Variants in ANK3 observed in about 807,000 individuals in gnomAD.
ANK3 encodes ankyrin-3.
ANK3 carries 57 observed loss-of-function variants against 370.9 expected under a neutral mutation model. That is an observed-to-expected ratio of 0.15 (90% CI 0.12 to 0.19). The LOEUF is 0.19. ANK3 is among the 10% of genes least tolerant of loss of function. The pLI, the probability that ANK3 is intolerant of heterozygous loss-of-function variation, is 1.00. For synonymous variants in ANK3, 1,929 were observed against 1,946.3 expected (o/e 0.99, Z 0.23); for missense variants, 4,439 against 5,302.1 (o/e 0.84, Z 5.06).
At chr10:60,342,595 C>T (rs2054512093) in intron 1 of ANK3, among the ~76,000 whole-genome samples, 1 of 152,136 alleles carries the variant, frequency 6.6e-6, no homozygotes, top group South Asian at 2.1e-4. Context: ...CTCTTTGAAA[C>T]TAATACGGTA....
intron 41 of ANK3, among the ~76,000 whole-genome samples, chr10:60,056,402 G>A (rs2079180036): frequency 6.6e-6 from 1 of 152,192 alleles, no homozygotes; most frequent in African/African-American, 2.4e-5. Context: ...CCGGGAGGTG[G>A]AGGTTGCAGT....
At chr10:60,465,644 T>A (rs1026975634) in intron 2 of ANK3, among the ~76,000 whole-genome samples, 2 of 152,152 alleles carry the variant, frequency 1.3e-5, no homozygotes, top group African/African-American at 4.8e-5. Flanking sequence ...AGGCCAAACA[T>A]TGCAGGATTC....
At chr10:60,234,984 T>C (rs954529201) in intron 7 of ANK3, among the ~76,000 whole-genome samples, 198 bp from the exon 8 acceptor site, 1 of 152,224 alleles carries the variant, frequency 6.6e-6, no homozygotes, top group Non-Finnish European at 1.5e-5. Flanking sequence ...TAAGGGAATC[T>C]GTGAGGCAGG....
At position 60,050,134 on chromosome 10, in the gene ANK3, C is replaced by A. The variant is rs148288375; in HGVS notation, c.13065+5524G>T. On this transcript the variant is annotated intron_variant, in intron 42 of 43. Coordinates refer to ENST00000280772, the MANE Select transcript of ANK3 (RefSeq NM_020987.5). Reference sequence around the variant, plus strand: ...AAAACAGAATCAAGCATTCCCCCACCCCAACCCAGAGAACATGTGTGAGGT... The same window carrying A: ...AAAACAGAATCAAGCATTCCCCCACACCAACCCAGAGAACATGTGTGAGGT... Among the ~76,000 whole-genome samples the A allele has an allele frequency of 8.1e-4, 123 of 152,218 alleles. No individual in the cohort carries two copies. In the East Asian group the frequency reaches 0.013, roughly 16 times the overall value.
intron 2 of ANK3, among the ~76,000 whole-genome samples, chr10:60,573,785 G>A (rs1310585563): frequency 6.6e-6 from 1 of 152,200 alleles, no homozygotes; most frequent in East Asian, 1.9e-4. Context: ...AGCACTTTGA[G>A]CAGATAACTG....
At chr10:60,359,289 G>C (rs1255838511) in intron 1 of ANK3, among the ~76,000 whole-genome samples, 1 of 152,100 alleles carries the variant, frequency 6.6e-6, no homozygotes, top group African/African-American at 2.4e-5. Flanking sequence ...ATTTGATTGA[G>C]ACCCTGTGAT....
chr10:60,138,734 A>G (rs61845793), intron 24 of ANK3: 163 of 94,992 alleles, frequency 1.7e-3, no homozygotes, highest in South Asian at 6.8e-3. Context: ...GCAAAGTGGG[A>G]AAAAAAAAAA....
rs1430848072 is a variant in ANK3 at position 60,118,011 on chromosome 10, T to G, written c.2842-3680A>C. Among the ~76,000 whole-genome samples, 3 of 152,068 alleles carry G rather than the reference T, an allele frequency of 2.0e-5. No individual in the cohort carries two copies. The South Asian group carries it at 6.2e-4, about 31-fold the overall frequency. ...TTCATCTTTCATTTGGGGAAGTCAATAAATAATTCCTGAAATGGAGAAAAA... is the reference window on the plus strand; with the variant it reads ...TTCATCTTTCATTTGGGGAAGTCAAGAAATAATTCCTGAAATGGAGAAAAA... On this transcript the variant is annotated intron_variant, in intron 25 of 43. Transcript: ENST00000280772.
chr10:60,072,497 T>G lies in ANK3; in HGVS notation c.8384A>C (p.Gln2795Pro). The G allele has an allele frequency of 6.2e-7, 1 of 1,614,032 alleles. No individual in the cohort carries two copies. Among genetic ancestry groups the G allele is most frequent in the East Asian group, 2.2e-5 (1 of 44,882 alleles). The change falls in exon 37 of 44, where the codon CAA becomes CCA. Residue 2795 changes from glutamine (Q) to proline (P), a missense_variant. Coordinates refer to ENST00000280772, the MANE Select transcript of ANK3 (RefSeq NM_020987.5). ...MVLKTKDEHA[Q>P]SNEIVVNDSG... ...ATCATTTACAACAATTTCGTTGCTT[T>G]GGGCATGCTCATCTTTGGTTTTTAA...
chr10:60,146,419 T>C (rs2094826458), intron 23 of ANK3, among the ~76,000 whole-genome samples: 1 of 152,218 alleles, frequency 6.6e-6, no homozygotes, highest in Non-Finnish European at 1.5e-5. Context: ...GCATAGTACC[T>C]GATAGACAGT....
intron 9 of ANK3, among the ~76,000 whole-genome samples, chr10:60,211,413 G>T (rs2096852467): frequency 6.6e-6 from 1 of 152,048 alleles, no homozygotes; most frequent in Non-Finnish European, 1.5e-5. Flanking sequence ...GGCTGCTTGG[G>T]TTCAAATCCT....
intron 2 of ANK3, among the ~76,000 whole-genome samples, chr10:60,567,028 G>A (rs1023078458): frequency 6.6e-6 from 1 of 152,194 alleles, no homozygotes; most frequent in African/African-American, 2.4e-5. Flanking sequence ...GAAAGAAGCT[G>A]TCTTCATAAC....
chr10:60,442,798 C>T (rs909815946), intron 2 of ANK3, among the ~76,000 whole-genome samples: 1 of 152,204 alleles, frequency 6.6e-6, no homozygotes, highest in Admixed American at 6.5e-5. Context: ...TGATCCCCCA[C>T]AAACTCTATG....
intron 1 of ANK3, among the ~76,000 whole-genome samples, chr10:60,677,764 C>T (rs1180967849): frequency 6.9e-6 from 1 of 145,888 alleles, no homozygotes; most frequent in Non-Finnish European, 1.5e-5. Flanking sequence ...GAATCCCAAA[C>T]TAATCCTTTC....
chr10:60,140,357 G>A (rs1379437132), intron 23 of ANK3: 2 of 1,613,780 alleles, frequency 1.2e-6, no homozygotes, highest in Non-Finnish European at 1.7e-6. Flanking sequence ...CTTACTCTGC[G>A]GTAAAGCCAT....
Position 60,181,377 on chromosome 10 carries a change from C to T in ANK3, c.2136G>A (p.Val712=), listed in dbSNP as rs372780631. ...HLAAQEDRVN[V]AEVLVNQGAH... is the part of the protein sequence containing the mutation. Reference sequence around the variant, plus strand: ...CCCCTTGGTTTACGAGGACTTCTGCCACATTCACTCGATCTTCTTGAGCAG... The same window carrying T: ...CCCCTTGGTTTACGAGGACTTCTGCTACATTCACTCGATCTTCTTGAGCAG... The change falls in exon 18 of 44, where the codon GTG becomes GTA. Residue 712 remains valine (V), a synonymous_variant. Transcript: ENST00000280772. The T allele has an allele frequency of 1.9e-6, 3 of 1,614,044 alleles. No individual in the cohort carries two copies. In the African/African-American group the frequency reaches 4.0e-5, roughly 22 times the overall value.
At chr10:60,040,122 T>C (rs950711653) in intron 43 of ANK3, among the ~76,000 whole-genome samples, 35 of 152,204 alleles carry the variant, frequency 2.3e-4, no homozygotes, top group African/African-American at 7.7e-4. Flanking sequence ...TTGAAAGTCA[T>C]TGGCTTTTCT....
intron 2 of ANK3, among the ~76,000 whole-genome samples, chr10:60,542,536 A>T (rs1323827216): frequency 6.6e-6 from 1 of 151,996 alleles, no homozygotes; most frequent in Non-Finnish European, 1.5e-5. Flanking sequence ...GATGTGGATA[A>T]AAAGAAAGGG....
chr10:60,167,662 TTTTTG>T (rs937472989), intron 21 of ANK3, among the ~76,000 whole-genome samples: 2 of 147,700 alleles, frequency 1.4e-5, no homozygotes, highest in Non-Finnish European at 1.5e-5. Flanking sequence ...GTGAGTTTTT[TTTTTG>T]TTTTGTTTTG....
Sources: gnomAD v4.1 joint callset for allele counts (sites outside exome capture counted in the v4.1 genomes callset) on GRCh38, gnomAD v4.1.1 for gene constraint, MANE v1.5 for transcripts, NCBI Gene and HGNC (gene_info 2026-07-23, HGNC 2026-07-21) for gene names.